POSTN: variants seen among roughly 807,000 people sequenced by gnomAD.
POSTN encodes periostin, also known as osteoblast specific factor 2 (fasciclin I-like).
POSTN carries 71 observed loss-of-function variants against 104.5 expected under a neutral mutation model. That is an observed-to-expected ratio of 0.68 (90% CI 0.56 to 0.83). The LOEUF is 0.83. POSTN is among the 40% of genes least tolerant of loss of function. The pLI, the probability that POSTN is intolerant of heterozygous loss-of-function variation, is 0.00. For missense variants in POSTN, 949 were observed against 1,006.8 expected (o/e 0.94, Z 0.78); for synonymous variants, 355 against 340.7 (o/e 1.04, Z -0.46).
At chr13:37,589,842 C>A (rs1047459215) in intron 4 of POSTN, among the ~76,000 whole-genome samples, 1 of 151,944 alleles carries the variant, frequency 6.6e-6, no homozygotes, top group African/African-American at 2.4e-5. Context: ...TAATTTAAGG[C>A]ATTGTAAATT....
At chr13:37,583,496 C>T (rs1315985130) in intron 9 of POSTN, among the ~76,000 whole-genome samples, 1 of 137,904 alleles carries the variant, frequency 7.3e-6, no homozygotes, top group East Asian at 2.5e-4. Context: ...GGCTAGAGTG[C>T]AGTGGTGCCA....
At position 37,571,522 on chromosome 13, in the gene POSTN, G is replaced by A. The variant is rs943586838; in HGVS notation, c.2090-64C>T. 21 of 1,226,862 alleles carry A rather than the reference G, an allele frequency of 1.7e-5. No homozygotes were observed. In the East Asian group the frequency reaches 4.9e-4, roughly 29 times the overall value. 76.0% of individuals were successfully genotyped at this position (1,226,862 alleles called of 1,614,324 possible). On this transcript the variant is annotated intron_variant, in intron 17 of 22. Coordinates refer to ENST00000379747, the MANE Select transcript of POSTN (RefSeq NM_006475.3). ...ACAGTCCTTTAAATTTACCGGAATA[G>A]GACATTTATTTCAACATTCGGTGTG...
At chr13:37,588,688 T>C (rs992658204) in intron 4 of POSTN, among the ~76,000 whole-genome samples, 2 of 152,130 alleles carry the variant, frequency 1.3e-5, no homozygotes, top group African/African-American at 2.4e-5. Context: ...AGTGCTGAGA[T>C]AGGGTGAATG....
At chr13:37,570,401 A>G (rs1304771593) in intron 19 of POSTN, among the ~76,000 whole-genome samples, 179 bp downstream of exon 19, 1 of 151,850 alleles carries the variant, frequency 6.6e-6, no homozygotes. Context: ...CAAATTTTCA[A>G]TTCAGAGTAA....
intron 18 of POSTN, 197 bp downstream of exon 18, chr13:37,571,172 C>A: frequency 4.3e-6 from 2 of 469,536 alleles, no homozygotes; most frequent in South Asian, 7.5e-5. Context: ...AAATTAATTC[C>A]AACTAGATCC....
chr13:37,570,746 T>C (rs779905877), intron 18 of POSTN, 77 bp from the exon 19 acceptor site: 31 of 876,748 alleles, frequency 3.5e-5, no homozygotes, highest in Non-Finnish European at 5.4e-5. Flanking sequence ...GACATTGTAA[T>C]GATTAACTAT....
chr13:37,575,694 T>C (rs960877354), intron 16 of POSTN, among the ~76,000 whole-genome samples: 3 of 152,144 alleles, frequency 2.0e-5, no homozygotes, highest in African/African-American at 4.8e-5. Flanking sequence ...ACAGCTTTGG[T>C]TTCTGCAGTT....
chr13:37,598,099 A>G (rs4432141), intron 1 of POSTN, among the ~76,000 whole-genome samples: 30,553 of 152,148 alleles, frequency 0.2, 3,721 homozygotes, highest in Non-Finnish European at 0.28. Context: ...AATTTTACAG[A>G]ATTCAGAGTT....
chr13:37,585,993 CT>C, intron 7 of POSTN, 145 bp downstream of exon 7: 1 of 604,030 alleles, frequency 1.7e-6, no homozygotes. Context: ...CTTTTAAGGA[CT>C]TTTGGAAGAC....
In POSTN at chr13:37,578,910, G is replaced by A. The variant is rs147608755; in HGVS notation, c.1896C>T (p.Asp632=). The change falls in exon 15 of 23, where the codon GAC becomes GAT. Residue 632 remains aspartate, a splice_region_variant and synonymous_variant. Transcript: ENST00000379747. ...HVVDKLLYPA[D]TPVGNDQLLE... ...GCAGTTGATCATTTCCAACAGGTGT[G>A]TCTATGAAGAGAAATATTAAATGAA... 2 of 1,595,630 alleles carry A rather than the reference G, an allele frequency of 1.3e-6. No individual in the cohort carries two copies. Among genetic ancestry groups the A allele is most frequent in the African/African-American group, 2.7e-5 (2 of 73,328 alleles).
At chr13:37,578,177 A>G (rs563827555) in intron 15 of POSTN, among the ~76,000 whole-genome samples, 15 of 152,324 alleles carry the variant, frequency 9.8e-5, no homozygotes, top group African/African-American at 3.1e-4. Flanking sequence ...TTCTGCAGTG[A>G]AAGTATTGAA....
intron 22 of POSTN, among the ~76,000 whole-genome samples, chr13:37,564,260 A>G (rs1283475597): frequency 7.6e-6 from 1 of 132,194 alleles, no homozygotes; most frequent in Admixed American, 8.5e-5. Flanking sequence ...AGTCTATCTC[A>G]AGGGTTCAAT....
chr13:37,597,261 T>C lies in POSTN; in HGVS notation c.141A>G (p.Gln47=). 6.3e-7 allele frequency: 1 copy of C among 1,587,286 alleles called. No individual in the cohort carries two copies. The highest frequency in any genetic ancestry group is 8.5e-7 in the Non-Finnish European group (1 of 1,169,668). The stretch of plus-strand genomic sequence containing the variant: ...ATTTCTTTTTGGTGCCCAAAATCTG[T>C]TGAAGGGCACAGACATTTGGGCTGG... ...RDQGPNVCAL[Q]QILGTKKKYF... Residue 47 remains glutamine (Q), a synonymous_variant, in exon 2 of 23, where the codon CAA becomes CAG. Transcript: ENST00000379747.
chr13:37,570,358 T>C (rs896351339), intron 19 of POSTN, among the ~76,000 whole-genome samples: 1 of 151,812 alleles, frequency 6.6e-6, no homozygotes, highest in African/African-American at 2.4e-5. Flanking sequence ...TATGCATACA[T>C]GTAATAAAAA....
intron 2 of POSTN, among the ~76,000 whole-genome samples, chr13:37,594,106 T>C (rs147283814): frequency 5.0e-4 from 76 of 152,258 alleles, no homozygotes; most frequent in African/African-American, 1.6e-3. Context: ...TAAATAATTT[T>C]ATTTACATGA....
intron 18 of POSTN, 47 bp downstream of exon 18, chr13:37,571,322 A>G (rs1277060622): frequency 1.6e-6 from 2 of 1,229,354 alleles, no homozygotes; most frequent in Admixed American, 2.2e-5. Context: ...CTATTTCAAA[A>G]TAATCACAGC....
chr13:37,598,768 C>CA, upstream of POSTN: 1 of 1,605,582 alleles, frequency 6.2e-7, no homozygotes, highest in East Asian at 2.2e-5. Flanking sequence ...AGAGAACTGG[C>CA]AGTGGGCTTT....
At chr13:37,569,019 A>T in intron 21 of POSTN, 1 of 220,090 alleles carries the variant, frequency 4.5e-6, no homozygotes, top group East Asian at 9.7e-5. Flanking sequence ...CCTTTTGCAT[A>T]CTTAAAAGGC....
chr13:37,592,289 TC>T (rs869127483), intron 2 of POSTN, 125 bp from the exon 3 acceptor site: 6 of 521,766 alleles, frequency 1.1e-5, no homozygotes, highest in East Asian at 4.0e-5. Context: ...AGGTTTTTTT[TC>T]CCCCCTGATT....
Sources: allele counts gnomAD v4.1 joint callset (sites outside exome capture counted in the v4.1 genomes callset), GRCh38; gene constraint gnomAD v4.1.1; transcripts MANE v1.5; gene names NCBI Gene and HGNC (gene_info 2026-07-23, HGNC 2026-07-21).